Variants in PDE4B observed in about 807,000 individuals in gnomAD.
PDE4B encodes phosphodiesterase 4B.
A neutral mutation model predicts 82.2 loss-of-function variants in PDE4B; 20 were observed. The ratio of observed to expected loss-of-function variants is 0.24; its 90% CI spans 0.17 to 0.35. The LOEUF (loss-of-function observed/expected upper bound fraction) is 0.35, where lower values mean the gene tolerates loss of function less well. PDE4B is among the 10% of genes least tolerant of loss of function. PDE4B has a pLI of 1.00. For synonymous variants in PDE4B, 320 were observed against 318.9 expected (o/e 1.00, Z -0.04); for missense variants, 655 against 907.2 (o/e 0.72, Z 3.57).
At chr1:65,970,746 A>G (rs562876465) in intron 3 of PDE4B, among the ~76,000 whole-genome samples, 4 of 152,222 alleles carry the variant, frequency 2.6e-5, no homozygotes, top group African/African-American at 9.6e-5. Flanking sequence ...GGTGAAATAC[A>G]CTGGGGAAGA....
At chr1:66,087,794 C>T (rs1030513080) in intron 3 of PDE4B, among the ~76,000 whole-genome samples, 1 of 145,190 alleles carries the variant, frequency 6.9e-6, no homozygotes, top group Non-Finnish European at 1.5e-5. Flanking sequence ...CGCATATTCT[C>T]ACTCAAAGGT....
Position 65,869,955 on chromosome 1 carries a change from G to A in PDE4B, c.-70-43290G>A, listed in dbSNP as rs577980628. Among the ~76,000 whole-genome samples the A allele has an allele frequency of 1.2e-4, 18 of 152,144 alleles. No homozygotes were observed. The South Asian group carries it at 3.7e-3, about 32-fold the overall frequency. On this transcript the variant is annotated intron_variant, in intron 1 of 16. Transcript: ENST00000341517. ...AGTCATTATTGCCATAACTTCCACT[G>A]CTTTCATTAGAGATGGTGAAAAATA...
intron 3 of PDE4B, among the ~76,000 whole-genome samples, chr1:66,183,042 A>G (rs1049623782): frequency 1.3e-5 from 2 of 152,176 alleles, no homozygotes; most frequent in Non-Finnish European, 2.9e-5. Flanking sequence ...TAAAGTCAGG[A>G]ATATCTGAAG....
chr1:65,865,894 C>T (rs910842630), intron 1 of PDE4B, among the ~76,000 whole-genome samples: 3 of 152,122 alleles, frequency 2.0e-5, no homozygotes, highest in South Asian at 4.1e-4. Flanking sequence ...CTCCCTCTCT[C>T]CCTCCATCCC....
At chr1:65,883,502 A>AT (rs1646734169) in intron 1 of PDE4B, among the ~76,000 whole-genome samples, 1 of 152,094 alleles carries the variant, frequency 6.6e-6, no homozygotes, top group African/African-American at 2.4e-5. Context: ...TTGTACATTG[A>AT]TTTTGTATCC....
intron 1 of PDE4B, among the ~76,000 whole-genome samples, chr1:65,895,668 A>G (rs1490765050): frequency 6.6e-6 from 1 of 151,720 alleles, no homozygotes; most frequent in Non-Finnish European, 1.5e-5. Context: ...TCAAATAGTA[A>G]AAATATACTA....
chr1:66,368,081 CTT>C lies in PDE4B; in HGVS notation c.1662+18_1662+19del. 6.2e-7 allele frequency: 1 copy of C among 1,610,916 alleles called. No homozygotes were observed. Among genetic ancestry groups the C allele is most frequent in the Non-Finnish European group, 8.5e-7 (1 of 1,178,904 alleles). On this transcript the variant is annotated intron_variant, in intron 15 of 16. Transcript: ENST00000341517. ...TCGCATTCAGGTATTTGAGGAAAGT[CTT>C]TGATTTAACACAAAACCAAACCAAA... is the stretch of plus-strand genomic sequence containing the variant.
chr1:65,869,343 A>G (rs1646547249), intron 1 of PDE4B, among the ~76,000 whole-genome samples: 1 of 152,244 alleles, frequency 6.6e-6, no homozygotes, highest in African/African-American at 2.4e-5. Context: ...AATTTATATC[A>G]TTCAAGAATT....
chr1:66,243,401 T>C (rs1279516187), intron 3 of PDE4B, among the ~76,000 whole-genome samples: 2 of 152,236 alleles, frequency 1.3e-5, no homozygotes, highest in African/African-American at 4.8e-5. Context: ...GATACAAGAA[T>C]GAGTAATACT....
chr1:66,050,494 C>T (rs768960494), intron 3 of PDE4B: 15 of 152,060 alleles, frequency 9.9e-5, no homozygotes, highest in Non-Finnish European at 1.9e-4. Context: ...TGCACACACA[C>T]ACACCTACAT....
rs767423570 is a variant in PDE4B at position 66,266,051 on chromosome 1, G to C, written c.598G>C (p.Ala200Pro). 6.2e-7 allele frequency: 1 copy of C among 1,613,354 alleles called. No homozygotes were observed. The highest frequency in any genetic ancestry group is 1.3e-5 in the African/African-American group (1 of 74,892). Reference protein sequence around the residue: ...HGTSNKRSPAASQPPVSRVNP... With the variant: ...HGTSNKRSPAPSQPPVSRVNP... ...CTGTCTCCACAGGAGGTCCCCAGCT[G>C]CTAGTCAGCCTCCTGTCTCCAGAGT... The change falls in exon 7 of 17, where the codon GCT becomes CCT. Residue 200 changes from alanine (A) to proline (P), a missense_variant. Ala to Pro is a conservative substitution (Grantham distance 27, BLOSUM62 -1). Coordinates refer to ENST00000341517, the MANE Select transcript of PDE4B (RefSeq NM_002600.4).
intron 1 of PDE4B, among the ~76,000 whole-genome samples, chr1:65,844,814 A>G (rs754471968): frequency 6.6e-6 from 1 of 152,174 alleles, no homozygotes; most frequent in Non-Finnish European, 1.5e-5. Context: ...CCAGCTGGAC[A>G]GCTTTCCAGA....
At chr1:66,160,514 C>T (rs1450619345) in intron 3 of PDE4B, among the ~76,000 whole-genome samples, 2 of 152,178 alleles carry the variant, frequency 1.3e-5, no homozygotes, top group Non-Finnish European at 2.9e-5. Context: ...TCTGTGGGTT[C>T]TAATAACCTT....
chr1:66,095,751 T>A (rs1314133654), intron 3 of PDE4B, among the ~76,000 whole-genome samples: 1 of 151,954 alleles, frequency 6.6e-6, no homozygotes, highest in Non-Finnish European at 1.5e-5. Flanking sequence ...TCACAGGGAT[T>A]TGTTTCTTGT....
At chr1:66,269,484 A>G (rs1557669842) in intron 7 of PDE4B, among the ~76,000 whole-genome samples, 1 of 152,194 alleles carries the variant, frequency 6.6e-6, no homozygotes, top group Non-Finnish European at 1.5e-5. Context: ...CTCTCCCTAC[A>G]TGGTGCTCAA....
intron 3 of PDE4B, among the ~76,000 whole-genome samples, chr1:66,222,112 T>C (rs1651036005): frequency 6.6e-6 from 1 of 151,474 alleles, no homozygotes; most frequent in Non-Finnish European, 1.5e-5. Context: ...TCCAAGTCTT[T>C]TTAGAAGTTA....
intron 3 of PDE4B, among the ~76,000 whole-genome samples, chr1:65,934,119 A>G (rs1440164007): frequency 1.3e-5 from 2 of 152,156 alleles, no homozygotes; most frequent in African/African-American, 4.8e-5. Flanking sequence ...TAGAAGATAC[A>G]AAAAAGGAAA....
At chr1:65,820,000 G>A (rs1645935028) in intron 1 of PDE4B, among the ~76,000 whole-genome samples, 1 of 152,152 alleles carries the variant, frequency 6.6e-6, no homozygotes, top group South Asian at 2.1e-4. Context: ...ACTACGATTT[G>A]GTTGGAAAAG....
intron 16 of PDE4B, among the ~76,000 whole-genome samples, chr1:66,370,142 C>G (rs1232053277): frequency 4.8e-5 from 5 of 103,480 alleles, no homozygotes; most frequent in Non-Finnish European, 5.3e-5. Context: ...CAGAGCAAGA[C>G]TCTATCTCAA....
Sources: allele counts gnomAD v4.1 joint callset (sites outside exome capture counted in the v4.1 genomes callset), GRCh38; gene constraint gnomAD v4.1.1; transcripts MANE v1.5; gene names NCBI Gene and HGNC (gene_info 2026-07-23, HGNC 2026-07-21).